C8orf34: variants seen among roughly 807,000 people sequenced by gnomAD.
C8orf34 encodes the protein chromosome 8 open reading frame 34, also known as uncharacterized protein C8orf34.
In C8orf34, 65 loss-of-function variants were observed where a neutral mutation model predicts 68.3. The ratio of observed to expected loss-of-function variants is 0.95; its 90% CI spans 0.78 to 1.17. The LOEUF (loss-of-function observed/expected upper bound fraction) is 1.17, where lower values mean the gene tolerates loss of function less well. C8orf34 is among the 50% of genes most tolerant of loss of function. The pLI, the probability that C8orf34 is intolerant of heterozygous loss-of-function variation, is 0.00. For synonymous variants in C8orf34, 244 were observed against 241.2 expected (o/e 1.01, Z -0.11); for missense variants, 664 against 655.4 (o/e 1.01, Z -0.14).
chr8:68,446,109 A>G (rs973845680), intron 2 of C8orf34, among the ~76,000 whole-genome samples: 2 of 152,190 alleles, frequency 1.3e-5, no homozygotes, highest in African/African-American at 4.8e-5. Flanking sequence ...TTTATATGAT[A>G]TAATCTTAAT....
chr8:68,464,606 T>A (rs1476585415), intron 3 of C8orf34, among the ~76,000 whole-genome samples: 36 of 151,756 alleles, frequency 2.4e-4, no homozygotes, highest in East Asian at 9.7e-4. Flanking sequence ...ACAGAGATAT[T>A]GATCAATGGA....
intron 10 of C8orf34, among the ~76,000 whole-genome samples, chr8:68,744,144 G>C (rs975889116): frequency 6.6e-6 from 1 of 152,060 alleles, no homozygotes; most frequent in Non-Finnish European, 1.5e-5. Flanking sequence ...CACACGGCTG[G>C]GTACTCCAAC....
intron 5 of C8orf34, among the ~76,000 whole-genome samples, chr8:68,502,210 C>T (rs1440152284): frequency 3.9e-5 from 6 of 152,128 alleles, no homozygotes; most frequent in African/African-American, 7.2e-5. Context: ...GGATTACAGG[C>T]GCACGCCACC....
At chr8:68,811,980 A>C (rs1242586865) in intron 12 of C8orf34, among the ~76,000 whole-genome samples, 1 of 152,190 alleles carries the variant, frequency 6.6e-6, no homozygotes, top group Admixed American at 6.5e-5. Flanking sequence ...GGTGGGAGGG[A>C]TGTGTGTAAA....
chr8:68,641,508 G>T (rs887743770), intron 8 of C8orf34, among the ~76,000 whole-genome samples: 1 of 152,172 alleles, frequency 6.6e-6, no homozygotes, highest in Non-Finnish European at 1.5e-5. Context: ...TTGGTGGATT[G>T]ACTTTTTTTA....
chr8:68,436,419 G>T (rs937662660), intron 1 of C8orf34, among the ~76,000 whole-genome samples: 5 of 152,166 alleles, frequency 3.3e-5, no homozygotes, highest in African/African-American at 1.2e-4. Flanking sequence ...TGAGTGCACA[G>T]AGTATCGTAT....
At chr8:68,736,783 G>A (rs73275937) in intron 10 of C8orf34, among the ~76,000 whole-genome samples, 177 of 152,110 alleles carry the variant, frequency 1.2e-3, no homozygotes, top group African/African-American at 4.0e-3. Flanking sequence ...AATGGTTAGT[G>A]TCATAAGTAG....
intron 1 of C8orf34, among the ~76,000 whole-genome samples, chr8:68,388,754 T>C (rs1186894517): frequency 6.6e-6 from 1 of 152,154 alleles, no homozygotes; most frequent in Non-Finnish European, 1.5e-5. Context: ...AGCCATGTTA[T>C]AGAGGGGTAA....
intron 1 of C8orf34, among the ~76,000 whole-genome samples, chr8:68,403,128 T>C (rs1189877117): frequency 6.6e-6 from 1 of 152,210 alleles, no homozygotes; most frequent in Non-Finnish European, 1.5e-5. Context: ...GCAGGAGCTT[T>C]ATGATGTTAA....
At chr8:68,662,918 TG>T (rs1563593909) in intron 8 of C8orf34, among the ~76,000 whole-genome samples, 1 of 152,238 alleles carries the variant, frequency 6.6e-6, no homozygotes, top group Non-Finnish European at 1.5e-5. Context: ...CACCCAAATA[TG>T]CCTCTTTGGC....
intron 1 of C8orf34, among the ~76,000 whole-genome samples, chr8:68,359,346 T>G (rs1293692540): frequency 2.0e-5 from 3 of 152,190 alleles, no homozygotes; most frequent in Non-Finnish European, 4.4e-5. Flanking sequence ...CTTTTAGTAT[T>G]GTTAAGTCAT....
At chr8:68,334,586 C>T (rs927525746) in intron 1 of C8orf34, among the ~76,000 whole-genome samples, 3 of 152,042 alleles carry the variant, frequency 2.0e-5, no homozygotes, top group African/African-American at 7.2e-5. Flanking sequence ...GGCCTGATCA[C>T]ACTCACAAGA....
intron 10 of C8orf34, among the ~76,000 whole-genome samples, chr8:68,744,115 C>G (rs999492198): frequency 6.6e-6 from 1 of 152,178 alleles, no homozygotes; most frequent in Non-Finnish European, 1.5e-5. Flanking sequence ...TACCACCCAG[C>G]AGGGGCAGAC....
At chr8:68,630,153 A>T (rs542724885) in intron 7 of C8orf34, among the ~76,000 whole-genome samples, 1 of 152,240 alleles carries the variant, frequency 6.6e-6, no homozygotes, top group South Asian at 2.1e-4. Context: ...GTCCAATAGA[A>T]AAATAATGAG....
At chr8:68,565,526 G>C (rs1308851860) in intron 7 of C8orf34, among the ~76,000 whole-genome samples, 2 of 152,190 alleles carry the variant, frequency 1.3e-5, no homozygotes, top group Admixed American at 1.3e-4. Context: ...GAAGAGAAGA[G>C]AGAAAGGGAA....
At chr8:68,572,607 T>A (rs939757620) in intron 7 of C8orf34, among the ~76,000 whole-genome samples, 11 of 152,066 alleles carry the variant, frequency 7.2e-5, no homozygotes, top group African/African-American at 2.7e-4. Flanking sequence ...GTGTATGGTA[T>A]TTTTGTTTCT....
rs938368845 is a variant in C8orf34, at chr8:68,691,942, G to A, written c.1242-17052G>A. Among the ~76,000 whole-genome samples, 12 of 152,032 alleles carry A rather than the reference G, an allele frequency of 7.9e-5. No homozygotes were observed. In the East Asian group the frequency reaches 1.2e-3, roughly 15 times the overall value. On this transcript the variant is annotated intron_variant, in intron 8 of 13. Transcript: ENST00000518698. Reference sequence around the variant, plus strand: ...TAAGAATTACATGAGACAAAGCTGAGCAACTCGGAATAAAATGTGAGGGGA... The same window carrying A: ...TAAGAATTACATGAGACAAAGCTGAACAACTCGGAATAAAATGTGAGGGGA...
chr8:68,596,323 C>T (rs1817545223), intron 7 of C8orf34, among the ~76,000 whole-genome samples: 1 of 152,070 alleles, frequency 6.6e-6, no homozygotes, highest in African/African-American at 2.4e-5. Flanking sequence ...TACTTCATTT[C>T]CTAGGGCCTC....
intron 1 of C8orf34, among the ~76,000 whole-genome samples, chr8:68,384,530 T>C (rs1221525546): frequency 1.3e-5 from 2 of 152,198 alleles, no homozygotes; most frequent in Non-Finnish European, 2.9e-5. Context: ...GGCTGTATGA[T>C]TAAATATTGT....
Sources: gnomAD v4.1 joint callset for allele counts (sites outside exome capture counted in the v4.1 genomes callset) on GRCh38, gnomAD v4.1.1 for gene constraint, MANE v1.5 for transcripts, NCBI Gene and HGNC (gene_info 2026-07-23, HGNC 2026-07-21) for gene names.